The following BANK1 variants were observed in gnomAD, a reference collection of about 807,000 sequenced individuals.
BANK1 encodes the protein B cell scaffold protein with ankyrin repeats 1, also known as B-cell scaffold protein with ankyrin repeats.
A neutral mutation model predicts 94.5 loss-of-function variants in BANK1; 95 were observed. That is an observed-to-expected ratio of 1.00 (90% CI 0.85 to 1.19). The LOEUF is 1.19. Ranked by LOEUF, BANK1 falls within the 50% of genes most tolerant of loss-of-function variation. BANK1 has a pLI of 0.00. For synonymous variants in BANK1, 334 were observed against 308.4 expected (o/e 1.08, Z -0.87); for missense variants, 987 against 932.2 (o/e 1.06, Z -0.77).
intron 7 of BANK1, among the ~76,000 whole-genome samples, chr4:102,003,037 A>T (rs1361668148): frequency 6.6e-6 from 1 of 152,178 alleles, no homozygotes; most frequent in African/African-American, 2.4e-5. Context: ...CTGGGATTAC[A>T]GGTGTGAGCT....
chr4:101,826,582 C>T (rs1726375765), intron 1 of BANK1, among the ~76,000 whole-genome samples: 1 of 151,952 alleles, frequency 6.6e-6, no homozygotes, highest in Non-Finnish European at 1.5e-5. Flanking sequence ...CCTCCTCCTA[C>T]CGTTCCTCAA....
rs114088275 is a variant in BANK1, at chr4:101,903,262, A to G, written c.1009+7852A>G. On this transcript the variant is annotated intron_variant, in intron 6 of 16. Transcript: ENST00000322953. ...ACACCTTCATTTTAGGAAAATGATT[A>G]TGGAGAATACCCACAAAGTCAGCTA... Among the ~76,000 whole-genome samples the G allele has an allele frequency of 2.9e-4, 44 of 152,346 alleles. 1 individual carries two copies. In the South Asian group the frequency reaches 8.9e-3, roughly 31 times the overall value.
intron 1 of BANK1, among the ~76,000 whole-genome samples, chr4:101,827,518 G>T (rs180703900): frequency 1.3e-5 from 2 of 152,040 alleles, no homozygotes; most frequent in East Asian, 3.9e-4. Flanking sequence ...TTCCCACTGT[G>T]TAATCACTTT....
intron 7 of BANK1, among the ~76,000 whole-genome samples, chr4:101,986,821 GTGTATATATATGTA>G (rs1725499733): frequency 2.3e-5 from 3 of 132,216 alleles, no homozygotes; most frequent in African/African-American, 8.7e-5. Flanking sequence ...GTATATATAT[GTGTATATATATGTA>G]TATATATGTG....
chr4:101,983,574 T>C (rs908116210), intron 7 of BANK1, among the ~76,000 whole-genome samples: 1 of 152,064 alleles, frequency 6.6e-6, no homozygotes, highest in Non-Finnish European at 1.5e-5. Context: ...TTCAGAAAAT[T>C]GTTGGAAGAC....
At chr4:101,806,447 G>A (rs1204907876) in intron 1 of BANK1, among the ~76,000 whole-genome samples, 3 of 152,134 alleles carry the variant, frequency 2.0e-5, no homozygotes. Flanking sequence ...GAAAGACTGA[G>A]TAGTTCTTAA....
At chr4:101,963,643 C>T (rs905010916) in intron 7 of BANK1, among the ~76,000 whole-genome samples, 1 of 152,066 alleles carries the variant, frequency 6.6e-6, no homozygotes, top group African/African-American at 2.4e-5. Flanking sequence ...ATTTAGGCTT[C>T]CATATTTTGC....
chr4:101,820,853 T>A (rs572021877), intron 1 of BANK1, among the ~76,000 whole-genome samples: 2 of 152,344 alleles, frequency 1.3e-5, no homozygotes, highest in Non-Finnish European at 2.9e-5. Context: ...TGTACCACAT[T>A]CTTTTTATCC....
At chr4:101,935,476 CT>C (rs1159362244) in intron 7 of BANK1, among the ~76,000 whole-genome samples, 2 of 151,506 alleles carry the variant, frequency 1.3e-5, no homozygotes, top group Non-Finnish European at 3.0e-5. Context: ...CCATAATCTA[CT>C]TTTTGAGCAG....
intron 2 of BANK1, among the ~76,000 whole-genome samples, chr4:101,833,974 G>A (rs566742405): frequency 1.3e-5 from 2 of 152,132 alleles, no homozygotes; most frequent in South Asian, 4.1e-4. Context: ...TAAAGCACAA[G>A]TAAGTTTATG....
chr4:101,827,643 T>C (rs1726415615), intron 1 of BANK1, among the ~76,000 whole-genome samples: 2 of 152,110 alleles, frequency 1.3e-5, no homozygotes, highest in African/African-American at 4.8e-5. Context: ...CCAAAGTTTT[T>C]TTAATTTCTG....
chr4:101,974,965 A>G (rs922990872), intron 7 of BANK1, among the ~76,000 whole-genome samples: 4 of 152,110 alleles, frequency 2.6e-5, no homozygotes, highest in African/African-American at 9.7e-5. Context: ...CTCAGAATAA[A>G]TAAATAAACT....
intron 7 of BANK1, among the ~76,000 whole-genome samples, chr4:101,958,148 G>T (rs185319006): frequency 1.3e-5 from 2 of 152,046 alleles, no homozygotes; most frequent in East Asian, 3.9e-4. Context: ...TCCTGGCCTA[G>T]GTTTGTTATT....
rs554021443 is a variant in BANK1, at chr4:101,850,914, C to G, written c.470-4121C>G. ...TCACTGACTGGGTATTCCCCCATCT[C>G]TCTCCCTCTGCTTGGGCCTCCCTAT... On this transcript the variant is annotated intron_variant, in intron 2 of 16. Transcript: ENST00000322953. 2.0e-5 allele frequency among the ~76,000 whole-genome samples: 3 copies of G among 152,202 alleles called. No individual in the cohort carries two copies. The South Asian group carries it at 6.2e-4, about 32-fold the overall frequency.
intron 1 of BANK1, among the ~76,000 whole-genome samples, chr4:101,829,397 G>A (rs955645639): frequency 2.6e-5 from 4 of 151,004 alleles, no homozygotes; most frequent in South Asian, 2.1e-4. Flanking sequence ...CAACAATTGT[G>A]TTAGCCTTGT....
At chr4:101,948,422 T>G (rs1724013141) in intron 7 of BANK1, among the ~76,000 whole-genome samples, 2 of 152,168 alleles carry the variant, frequency 1.3e-5, no homozygotes, top group Non-Finnish European at 2.9e-5. Context: ...TAATTGACAC[T>G]CAGATCTGCA....
Position 102,021,582 on chromosome 4 carries a change from A to G in BANK1, c.1275A>G (p.Thr425=), listed in dbSNP as rs1726901351. Residue 425 remains threonine, a synonymous_variant, in exon 8 of 17, where the codon ACA becomes ACG. Transcript: ENST00000322953. ...AAGAGGATATTGCCTCATTTTCCAC[A>G]TATATTCCTTGTAAGTTTTTCCATG... ...DYEEDIASFS[T]YIPSTQNPAF... 2 of 1,401,020 alleles carry G rather than the reference A, an allele frequency of 1.4e-6. No homozygotes were observed. Among genetic ancestry groups the G allele is most frequent in the Non-Finnish European group, 1.9e-6 (2 of 1,036,264 alleles). The allele number at this position is 1,401,020 out of a possible 1,614,324, so 86.8% of individuals were successfully genotyped here.
intron 6 of BANK1, among the ~76,000 whole-genome samples, chr4:101,901,062 A>T (rs946303896): frequency 1.3e-5 from 2 of 152,198 alleles, no homozygotes; most frequent in Non-Finnish European, 2.9e-5. Flanking sequence ...AGAGAAGTGA[A>T]AAAAGCCCAC....
At chr4:101,862,847 A>G in intron 4 of BANK1, among the ~76,000 whole-genome samples, 183 bp downstream of exon 4, 1 of 152,062 alleles carries the variant, frequency 6.6e-6, no homozygotes, top group African/African-American at 2.4e-5. Context: ...AAGAACATGT[A>G]AATTATGAGA....
Sources: gnomAD v4.1 joint callset for allele counts (sites outside exome capture counted in the v4.1 genomes callset) on GRCh38, gnomAD v4.1.1 for gene constraint, MANE v1.5 for transcripts, NCBI Gene and HGNC (gene_info 2026-07-23, HGNC 2026-07-21) for gene names.